Variants in CCSER1 observed in about 807,000 individuals in gnomAD.
The protein encoded by CCSER1 is serine-rich coiled-coil domain-containing protein 1.
CCSER1 carries 41 observed loss-of-function variants against 82.0 expected under a neutral mutation model. That is an observed-to-expected ratio of 0.50 (90% CI 0.39 to 0.65). CCSER1 has a LOEUF of 0.65. CCSER1 is among the 30% of genes least tolerant of loss of function. The pLI is 0.00. For synonymous variants in CCSER1, 414 were observed against 383.9 expected (o/e 1.08, Z -0.92); for missense variants, 1,119 against 1,064.2 (o/e 1.05, Z -0.72).
intron 1 of CCSER1, among the ~76,000 whole-genome samples, chr4:90,133,208 A>G (rs912334008): frequency 1.3e-5 from 2 of 152,212 alleles, no homozygotes; most frequent in African/African-American, 4.8e-5. Context: ...CAGTTTTGGA[A>G]AATATTCCAT....
At chr4:91,062,290 T>C (rs1461592) in intron 9 of CCSER1, among the ~76,000 whole-genome samples, 26,096 of 151,984 alleles carry the variant, frequency 0.17, 2,330 homozygotes, top group Admixed American at 0.22. Flanking sequence ...AACTCCCCCT[T>C]GCATCCCTGC....
intron 10 of CCSER1, among the ~76,000 whole-genome samples, chr4:91,159,266 C>T (rs1440077868): frequency 2.6e-5 from 4 of 151,964 alleles, no homozygotes; most frequent in East Asian, 3.9e-4. Context: ...AAAATCTCAA[C>T]CATTGTTAAT....
At chr4:90,372,392 G>A (rs1747587852) in intron 3 of CCSER1, among the ~76,000 whole-genome samples, 2 of 152,148 alleles carry the variant, frequency 1.3e-5, no homozygotes, top group Non-Finnish European at 2.9e-5. Context: ...GTAAGTGAAG[G>A]ACAGAAGGGG....
intron 9 of CCSER1, among the ~76,000 whole-genome samples, chr4:91,063,461 G>A (rs192562925): frequency 2.6e-5 from 4 of 152,216 alleles, no homozygotes; most frequent in Admixed American, 2.0e-4. Flanking sequence ...AGAGATTCTT[G>A]CATGGTAATA....
intron 10 of CCSER1, among the ~76,000 whole-genome samples, chr4:91,203,753 T>C (rs1736121230): frequency 6.6e-6 from 1 of 151,854 alleles, no homozygotes; most frequent in African/African-American, 2.4e-5. Flanking sequence ...ATGTAGATAT[T>C]TTGAATCAAG....
chr4:91,586,481 C>G (rs1036890407), intron 10 of CCSER1, among the ~76,000 whole-genome samples: 2 of 151,612 alleles, frequency 1.3e-5, no homozygotes, highest in Admixed American at 1.3e-4. Context: ...ACAGGAGAGG[C>G]ACCAGGAGCG....
At chr4:90,140,001 A>T (rs1416578856) in intron 1 of CCSER1, among the ~76,000 whole-genome samples, 1 of 152,130 alleles carries the variant, frequency 6.6e-6, no homozygotes, top group Non-Finnish European at 1.5e-5. Flanking sequence ...TGAAAAATGA[A>T]TAAAGCAAAA....
chr4:90,663,777 A>C (rs907757948), intron 6 of CCSER1: 3 of 196,848 alleles, frequency 1.5e-5, no homozygotes, highest in Non-Finnish European at 3.4e-5. Context: ...AGATGAACAG[A>C]TGGTTAGCTA....
intron 10 of CCSER1, among the ~76,000 whole-genome samples, chr4:91,371,450 A>C (rs1750042762): frequency 6.6e-6 from 1 of 152,174 alleles, no homozygotes; most frequent in Non-Finnish European, 1.5e-5. Flanking sequence ...TACCTGGCTT[A>C]CTTCACTTAA....
At chr4:90,386,427 G>A (rs1045708282) in intron 3 of CCSER1, among the ~76,000 whole-genome samples, 1 of 150,540 alleles carries the variant, frequency 6.6e-6, no homozygotes, top group Non-Finnish European at 1.5e-5. Flanking sequence ...AAATGGTGCT[G>A]GGACAATTGG....
intron 5 of CCSER1, among the ~76,000 whole-genome samples, chr4:90,587,365 A>T (rs1782145305): frequency 6.6e-6 from 1 of 152,188 alleles, no homozygotes. Context: ...TAATTCCAGC[A>T]CTTTGGGAGG....
intron 9 of CCSER1, among the ~76,000 whole-genome samples, chr4:91,010,424 T>C (rs1166747291): frequency 1.2e-5 from 1 of 82,514 alleles, no homozygotes; most frequent in Admixed American, 1.2e-4. Context: ...TGGCAACTTT[T>C]GTGTTTCATG....
intron 5 of CCSER1, among the ~76,000 whole-genome samples, chr4:90,492,377 C>G (rs963667105): frequency 3.9e-5 from 6 of 151,928 alleles, no homozygotes; most frequent in Non-Finnish European, 8.8e-5. Context: ...CCTTTAGCAT[C>G]TTTTATTGCA....
intron 10 of CCSER1, among the ~76,000 whole-genome samples, chr4:91,098,861 G>A (rs1724773564): frequency 6.6e-6 from 1 of 151,570 alleles, no homozygotes; most frequent in African/African-American, 2.4e-5. Context: ...TTTTTAAAGG[G>A]ATAAAAGAAG....
At chr4:90,234,769 T>C (rs1043183642) in intron 1 of CCSER1, among the ~76,000 whole-genome samples, 1 of 152,188 alleles carries the variant, frequency 6.6e-6, no homozygotes, top group Non-Finnish European at 1.5e-5. Flanking sequence ...CACAATAAAT[T>C]TGAGGCATAG....
At chr4:90,319,521 C>T (rs140497572) in intron 3 of CCSER1, among the ~76,000 whole-genome samples, 2,214 of 152,086 alleles carry the variant, frequency 0.015, 67 homozygotes, top group African/African-American at 0.05. Context: ...CGTGGTGGCA[C>T]GCGCCTGTAG....
intron 2 of CCSER1, among the ~76,000 whole-genome samples, chr4:90,310,151 T>C (rs1247990778): frequency 2.6e-5 from 4 of 152,078 alleles, no homozygotes; most frequent in Non-Finnish European, 2.9e-5. Context: ...AATAACAGAA[T>C]TGTAAGCTTA....
chr4:91,598,165 T>TA (rs1430061510), intron 10 of CCSER1, among the ~76,000 whole-genome samples: 13 of 152,204 alleles, frequency 8.5e-5, no homozygotes, highest in Non-Finnish European at 1.6e-4. Context: ...TATATTTAAG[T>TA]AACTATAGCA....
rs181654976 is a variant in CCSER1, at chr4:91,086,702, G to A, written c.2217+708G>A. On this transcript the variant is annotated intron_variant, in intron 10 of 10. Transcript: ENST00000509176. ...AGGTATTTTGTTCTATACAAATGAG[G>A]AAAAAAATCTTACTGTCCTCTCCAT... Among the ~76,000 whole-genome samples, 1,185 of 152,042 alleles carry A rather than the reference G, an allele frequency of 7.8e-3. 11 individuals are homozygous for A. The highest frequency in any genetic ancestry group is 0.026 in the African/African-American group (1,098 of 41,492).
Sources: allele counts gnomAD v4.1 joint callset (sites outside exome capture counted in the v4.1 genomes callset), GRCh38; gene constraint gnomAD v4.1.1; transcripts MANE v1.5; gene names NCBI Gene and HGNC (gene_info 2026-07-23, HGNC 2026-07-21).